Variants in VWA2 observed in about 807,000 individuals in gnomAD.
The protein encoded by VWA2 is von Willebrand factor A domain-containing protein 2.
Under a neutral mutation model 70.4 loss-of-function variants are expected in VWA2, and 73 were observed. The observed-to-expected ratio is 1.04, with a 90% CI of 0.86 to 1.26. The LOEUF (loss-of-function observed/expected upper bound fraction) is 1.26, where lower values mean the gene tolerates loss of function less well. VWA2 is among the 50% of genes most tolerant of loss of function. The pLI, the probability that VWA2 is intolerant of heterozygous loss-of-function variation, is 0.00. For synonymous variants in VWA2, 407 were observed against 423.3 expected, an observed-to-expected ratio of 0.96 and a Z score of 0.47; for missense variants, 1,011 against 998.5, an observed-to-expected ratio of 1.01 and a Z score of -0.17.
chr10:114,249,900 C>A (rs771178254), intron 2 of VWA2, among the ~76,000 whole-genome samples: 5 of 152,130 alleles, frequency 3.3e-5, no homozygotes, highest in Non-Finnish European at 7.3e-5. Flanking sequence ...ATCCTGAGTC[C>A]CCTCTACGCC....
intron 2 of VWA2, among the ~76,000 whole-genome samples, chr10:114,252,633 C>T (rs1212525686): frequency 6.6e-6 from 1 of 152,132 alleles, no homozygotes; most frequent in African/African-American, 2.4e-5. Flanking sequence ...TCCTCCTGGC[C>T]TCCCTGCTGA....
intron 12 of VWA2, 186 bp downstream of exon 12, chr10:114,289,675 G>C (rs373662032): frequency 1.6e-6 from 1 of 641,642 alleles, no homozygotes; most frequent in African/African-American, 1.8e-5. Flanking sequence ...CATCCTATTT[G>C]ACATTTAAGG....
In VWA2 at chr10:114,291,305, C is replaced by A; in HGVS notation, c.*68C>A. ...CCAGCAACTACAGAGAAGGCCTGGG[C>A]ACTGAAATGGTGCCTACCTTCTGGA... is the stretch of plus-strand genomic sequence containing the variant. On this transcript the variant is annotated 3_prime_UTR_variant, in exon 14 of 14. Coordinates refer to ENST00000392982, the MANE Select transcript of VWA2 (RefSeq NM_001272046.2). 1.3e-6 allele frequency: 2 copies of A among 1,496,032 alleles called. No homozygotes were observed. Among genetic ancestry groups the A allele is most frequent in the South Asian group, 1.3e-5 (1 of 76,746 alleles). The allele number at this position is 1,496,032 out of a possible 1,614,324, so 92.7% of individuals were successfully genotyped here.
intron 7 of VWA2, among the ~76,000 whole-genome samples, 156 bp downstream of exon 7, chr10:114,278,203 C>T (rs1022885362): frequency 6.6e-6 from 1 of 152,180 alleles, no homozygotes; most frequent in African/African-American, 2.4e-5. Flanking sequence ...CTGCGTCTCC[C>T]TGTGCCCTGC....
chr10:114,250,344 C>T (rs2037169496), intron 2 of VWA2, among the ~76,000 whole-genome samples: 1 of 152,118 alleles, frequency 6.6e-6, no homozygotes, highest in Non-Finnish European at 1.5e-5. Context: ...TTTTTACTTC[C>T]CACTTTTTCC....
chr10:114,269,003 C>T (rs536918673), intron 5 of VWA2, among the ~76,000 whole-genome samples: 6 of 149,462 alleles, frequency 4.0e-5, no homozygotes, highest in African/African-American at 7.5e-5. Flanking sequence ...TGAGCCACCG[C>T]GCCCGGCCAA....
chr10:114,264,940 G>A (rs531921419), intron 5 of VWA2, among the ~76,000 whole-genome samples: 3 of 150,108 alleles, frequency 2.0e-5, no homozygotes, highest in South Asian at 2.1e-4. Flanking sequence ...GGCTGGTCTC[G>A]AACTCCTGAC....
rs749817578 is a variant in VWA2, at chr10:114,286,332, C to T, written c.1391C>T (p.Pro464Leu). The change falls in exon 11 of 14, where the codon CCA becomes CTA. Residue 464 changes from proline to leucine, a missense_variant. Pro to Leu is a moderately conservative substitution (Grantham distance 98). Transcript: ENST00000392982. The stretch of plus-strand genomic sequence containing the variant: ...CACTCCGAGGATGAGGTTGCGGGCC[C>T]AGCGCGTCACGCAAGGGCGCGAGAG... ...ESHSEDEVAG[P>L]ARHARARELL... is the part of the protein sequence containing the mutation. The T allele has an allele frequency of 4.3e-6, 7 of 1,612,984 alleles. No individual in the cohort carries two copies. The Middle Eastern group carries it at 5.0e-4, about 114-fold the overall frequency.
intron 6 of VWA2, among the ~76,000 whole-genome samples, chr10:114,275,969 C>T (rs2037832888): frequency 6.6e-6 from 1 of 152,142 alleles, no homozygotes; most frequent in Admixed American, 6.5e-5. Flanking sequence ...ATGAAATAAA[C>T]ACAATATAAA....
chr10:114,267,093 G>A (rs930302396), intron 5 of VWA2, among the ~76,000 whole-genome samples: 10 of 152,196 alleles, frequency 6.6e-5, no homozygotes, highest in Admixed American at 5.9e-4. Flanking sequence ...CAACATCCCT[G>A]TACCTACAGT....
At chr10:114,253,974 G>A (rs190052569) in intron 3 of VWA2, among the ~76,000 whole-genome samples, 28 of 151,914 alleles carry the variant, frequency 1.8e-4, no homozygotes, top group Admixed American at 3.9e-4. Context: ...CCCAGGAGGT[G>A]GAGGTTGCAG....
intron 1 of VWA2, among the ~76,000 whole-genome samples, chr10:114,241,219 C>T (rs1391347465): frequency 6.6e-6 from 1 of 152,200 alleles, no homozygotes; most frequent in Admixed American, 6.5e-5. Flanking sequence ...GACACTGGCA[C>T]ATCATTATGA....
At chr10:114,247,725 G>T (rs2037103684) in intron 1 of VWA2, among the ~76,000 whole-genome samples, 1 of 151,684 alleles carries the variant, frequency 6.6e-6, no homozygotes, top group Non-Finnish European at 1.5e-5. Flanking sequence ...GGTCCATGAT[G>T]GAGGCAGGAG....
intron 4 of VWA2, among the ~76,000 whole-genome samples, chr10:114,256,340 G>A (rs927268009): frequency 2.6e-5 from 4 of 152,230 alleles, no homozygotes; most frequent in African/African-American, 9.6e-5. Context: ...AAGTGTCAAA[G>A]TAAGGTGCAA....
chr10:114,243,273 T>C (rs550032847), intron 1 of VWA2, among the ~76,000 whole-genome samples: 3 of 152,376 alleles, frequency 2.0e-5, no homozygotes, highest in African/African-American at 7.2e-5. Context: ...TGCTTATTTC[T>C]TGGTGCGGAC....
chr10:114,261,384 C>A, intron 5 of VWA2, 89 bp downstream of exon 5: 1 of 1,040,286 alleles, frequency 9.6e-7, no homozygotes, highest in Non-Finnish European at 1.5e-6. Flanking sequence ...GCTCTGGGCT[C>A]ACAGAGAGGA....
At chr10:114,240,722 G>A (rs1331011241) in intron 1 of VWA2, among the ~76,000 whole-genome samples, 3 of 152,200 alleles carry the variant, frequency 2.0e-5, no homozygotes, top group Admixed American at 2.0e-4. Flanking sequence ...ATTTGTAAAT[G>A]CTGCTGGCTT....
chr10:114,264,895 T>A (rs1052303794), intron 5 of VWA2, among the ~76,000 whole-genome samples: 2 of 152,100 alleles, frequency 1.3e-5, no homozygotes, highest in Non-Finnish European at 2.9e-5. Context: ...AATTTTTGTA[T>A]TTTTAGTAGA....
intron 13 of VWA2, 123 bp from the exon 14 acceptor site, chr10:114,291,095 T>A: frequency 5.1e-6 from 6 of 1,168,690 alleles, no homozygotes; most frequent in Non-Finnish European, 7.5e-6. Context: ...ATCTGGCATC[T>A]TCTGCTGGGG....
Sources: gnomAD v4.1 joint callset for allele counts (sites outside exome capture counted in the v4.1 genomes callset) on GRCh38, gnomAD v4.1.1 for gene constraint, MANE v1.5 for transcripts, NCBI Gene and HGNC (gene_info 2026-07-23, HGNC 2026-07-21) for gene names.